Variants in SHANK1 observed in about 807,000 individuals in gnomAD.
The protein encoded by SHANK1 is SH3 and multiple ankyrin repeat domains protein 1.
In SHANK1, 35 loss-of-function variants were observed where a neutral mutation model predicts 165.6. The observed-to-expected ratio is 0.21, with a 90% CI of 0.16 to 0.28. The LOEUF is 0.28. Ranked by LOEUF, SHANK1 falls within the 10% of genes least tolerant of loss-of-function variation. The pLI is 1.00. For synonymous variants in SHANK1, 1,428 were observed against 1,384.8 expected (o/e 1.03, Z -0.69); for missense variants, 2,681 against 3,036.4 (o/e 0.88, Z 2.75).
chr19:50,679,597 G>T (rs1329751804), intron 21 of SHANK1, among the ~76,000 whole-genome samples: 1 of 152,186 alleles, frequency 6.6e-6, no homozygotes, highest in Non-Finnish European at 1.5e-5. Flanking sequence ...CTCCCCTTCA[G>T]TCCGCCGCCC....
Position 50,667,729 on chromosome 19 carries a change from AG to A in SHANK1, c.4230del (p.Ser1411ProfsTer63), listed in dbSNP as rs1462980010. ...TCCCGGCGCGCAGGGTCCGGCGGGG[AG>A]GCCCCCCAGAGACGCAGCACTGGCT... is the stretch of plus-strand genomic sequence containing the variant. ...HHEPVLRLWG[A>X]SPPDPARREL... On this transcript the variant is annotated frameshift_variant, in exon 23 of 24. Transcript: ENST00000293441. LOFTEE classifies it high-confidence loss of function. The surrounding 1 kb of genome is among the most constrained non-coding windows in gnomAD (Gnocchi z 5.7). The A allele has an allele frequency of 7.9e-7, 1 of 1,264,618 alleles. No individual in the cohort carries two copies. 78.3% of individuals were successfully genotyped at this position (1,264,618 alleles called of 1,614,324 possible).
At position 50,662,788 on chromosome 19, in the gene SHANK1, A is replaced by T; in HGVS notation, c.5769-106T>A. The T allele has an allele frequency of 8.6e-7, 1 of 1,168,720 alleles. No homozygotes were observed. The highest frequency in any genetic ancestry group is 1.2e-6 in the Non-Finnish European group (1 of 818,340). 72.4% of individuals were successfully genotyped at this position (1,168,720 alleles called of 1,614,324 possible). A position where few individuals can be genotyped will look rare whatever the true frequency, so the allele number is the denominator to read the frequency against. The stretch of plus-strand genomic sequence containing the variant: ...GATATAGGGAGAGAGGAGGAGAGAC[A>T]TAAGGGTAGGGGGAGAGACGGAGGA... On this transcript the variant is annotated intron_variant, in intron 23 of 23. Coordinates refer to ENST00000293441, the MANE Select transcript of SHANK1 (RefSeq NM_016148.5). This position sits in a 1 kb window ranked among gnomAD's most constrained non-coding sequence, Gnocchi z 7.7.
rs376770018 is a variant in SHANK1, at chr19:50,667,005, G to A, written c.4955C>T (p.Ala1652Val). The A allele has an allele frequency of 2.8e-5, 43 of 1,562,312 alleles. No individual in the cohort carries two copies. The African/African-American group carries it at 5.4e-4, about 20-fold the overall frequency. ...PGDPHPPGPP[A>V]PAAPAPAAPQ... is the part of the protein sequence containing the mutation. ...GGCAGCGGGAGCCGGTGCTGCTGGG[G>A]CAGGCGGGCCTGGTGGATGGGGGTC... Residue 1652 changes from alanine (A) to valine (V), a missense_variant, in exon 23 of 24, where the codon GCC (alanine) becomes GTC (valine). Transcript: ENST00000293441. The surrounding 1 kb of genome is among the most constrained non-coding windows in gnomAD (Gnocchi z 5.7).
intron 21 of SHANK1, among the ~76,000 whole-genome samples, chr19:50,673,748 AAGAAAAG>A (rs1985883818): frequency 6.6e-6 from 1 of 152,194 alleles, no homozygotes; most frequent in South Asian, 2.1e-4. Flanking sequence ...GAAAGAAAAA[AAGAAAAG>A]AGAAAATTGT....
At chr19:50,673,907 C>T (rs1031708735) in intron 21 of SHANK1, among the ~76,000 whole-genome samples, 4 of 151,864 alleles carry the variant, frequency 2.6e-5, no homozygotes, top group Admixed American at 2.6e-4. Context: ...GATCCCAACC[C>T]CAACCTTCTG....
chr19:50,689,401 G>A (rs956812087), intron 15 of SHANK1, 122 bp from the exon 16 acceptor site: 2 of 759,586 alleles, frequency 2.6e-6, no homozygotes, highest in South Asian at 1.4e-5. Context: ...GCCATTAATT[G>A]CATCTCCTAG....
intron 8 of SHANK1, among the ~76,000 whole-genome samples, chr19:50,709,890 T>C (rs918789952): frequency 6.6e-6 from 1 of 152,196 alleles, no homozygotes; most frequent in Non-Finnish European, 1.5e-5. Flanking sequence ...ATCTGAACGG[T>C]ACAGTTTCTG....
In SHANK1 at chr19:50,661,880, A is replaced by C; in HGVS notation, c.*85T>G. 3 of 1,456,168 alleles carry C rather than the reference A, an allele frequency of 2.1e-6. No individual in the cohort carries two copies. Among genetic ancestry groups the C allele is most frequent in the Non-Finnish European group, 9.5e-7 (1 of 1,049,020 alleles). The allele number at this position is 1,456,168 out of a possible 1,614,324, so 90.2% of individuals were successfully genotyped here. A position where few individuals can be genotyped will look rare whatever the true frequency, so the allele number is the denominator to read the frequency against. ...TTTGAACAGAGTCCCTGGCCCGGGG[A>C]GAGAATGACAGTCAGGGGTCAGAGG... On this transcript the variant is annotated 3_prime_UTR_variant, in exon 24 of 24. Transcript: ENST00000293441.
intron 21 of SHANK1, among the ~76,000 whole-genome samples, chr19:50,678,752 GATGGGGAAAGGTCAGGGTGA>G (rs1413114101): frequency 1.7e-4 from 18 of 105,638 alleles, no homozygotes; most frequent in African/African-American, 2.7e-4. Flanking sequence ...GGGTCAGGGT[GATGGGGAAAGGTCAGGGTGA>G]TGGGGAGGGG....
At chr19:50,709,966 C>G (rs1320627838) in intron 8 of SHANK1, among the ~76,000 whole-genome samples, 3 of 152,212 alleles carry the variant, frequency 2.0e-5, no homozygotes, top group African/African-American at 7.2e-5. Context: ...CTGATGGCTG[C>G]CTTCCAGGGA....
In SHANK1 at chr19:50,667,876, G is replaced by C; in HGVS notation, c.4084C>G (p.Arg1362Gly). 7.6e-7 allele frequency: 1 copy of C among 1,316,174 alleles called. No individual in the cohort carries two copies. Among genetic ancestry groups the C allele is most frequent in the Non-Finnish European group, 9.6e-7 (1 of 1,036,706 alleles). The allele number at this position is 1,316,174 out of a possible 1,614,324, so 81.5% of individuals were successfully genotyped here. A position where few individuals can be genotyped will look rare whatever the true frequency, so the allele number is the denominator to read the frequency against. The change falls in exon 23 of 24, where the codon CGA (arginine) becomes GGA (glycine). Residue 1362 changes from arginine to glycine, a missense_variant. By Grantham distance (125) the Arg-to-Gly change is moderately radical (BLOSUM62 -2). Coordinates refer to ENST00000293441, the MANE Select transcript of SHANK1 (RefSeq NM_016148.5). The surrounding 1 kb of genome is among the most constrained non-coding windows in gnomAD (Gnocchi z 5.7). ...PLGLALAARE[R>G]ALKESSEGGG... ...CCCTCCGAGGACTCCTTCAGCGCTC[G>C]CTCGCGGGCGGCCAGGGCCAGCCCC...
intron 18 of SHANK1, 100 bp from the exon 19 acceptor site, chr19:50,687,762 C>T (rs1271344976): frequency 7.4e-7 from 1 of 1,351,602 alleles, no homozygotes; most frequent in South Asian, 1.5e-5. Flanking sequence ...TAGCCATTGC[C>T]AGCGTGCGGA....
At chr19:50,711,909 C>A in intron 7 of SHANK1, 38 bp downstream of exon 7, 1 of 1,611,030 alleles carries the variant, frequency 6.2e-7, no homozygotes, top group South Asian at 1.1e-5. Context: ...GGGACTGGGT[C>A]CCCCACCCCA....
Position 50,670,980 on chromosome 19 carries a change from A to G in SHANK1, c.2674+1038T>C, listed in dbSNP as rs1451648679. 1.3e-5 allele frequency among the ~76,000 whole-genome samples: 2 copies of G among 150,398 alleles called. No individual in the cohort carries two copies. Among genetic ancestry groups the G allele is most frequent in the African/African-American group, 4.9e-5 (2 of 40,856 alleles). On this transcript the variant is annotated intron_variant, in intron 22 of 23. Coordinates refer to ENST00000293441, the MANE Select transcript of SHANK1 (RefSeq NM_016148.5). The surrounding 1 kb of genome is among the most constrained non-coding windows in gnomAD (Gnocchi z 4.1). Reference sequence around the variant, plus strand: ...GGCTAATTTTTGTATTTTTAGTAGAAATGGGGTTTCATCATGTTGGTCAGG... The same window carrying G: ...GGCTAATTTTTGTATTTTTAGTAGAGATGGGGTTTCATCATGTTGGTCAGG...
chr19:50,689,949 G>A (rs1986490982), intron 15 of SHANK1, among the ~76,000 whole-genome samples: 2 of 152,120 alleles, frequency 1.3e-5, no homozygotes, highest in Admixed American at 6.5e-5. Flanking sequence ...GCCACTAGGT[G>A]CACGTGGCTG....
intron 8 of SHANK1, among the ~76,000 whole-genome samples, chr19:50,708,011 G>A (rs1048979899): frequency 6.6e-6 from 1 of 150,480 alleles, no homozygotes; most frequent in Non-Finnish European, 1.5e-5. Context: ...GCAATGGCGC[G>A]ATCTCAGCTC....
At chr19:50,687,043 A>G in intron 19 of SHANK1, 1 of 1,474,174 alleles carries the variant, frequency 6.8e-7, no homozygotes, top group Non-Finnish European at 9.0e-7. Context: ...GGGGGAGACT[A>G]GCCCGGGGGA....
chr19:50,661,078 G>A lies in SHANK1; in HGVS notation c.*887C>T, dbSNP rs1380750083. Among the ~76,000 whole-genome samples, 1 of 151,882 alleles carries A rather than the reference G, an allele frequency of 6.6e-6. No homozygotes were observed. Among genetic ancestry groups the A allele is most frequent in the Non-Finnish European group, 1.5e-5 (1 of 68,010 alleles). On this transcript the variant is annotated 3_prime_UTR_variant, in exon 24 of 24. Transcript: ENST00000293441. ...AGAGTGTGTCAGGAGGGGTGCATAA[G>A]ATAGCAAGTGTGCAAGGGCTGAGCA...
intron 9 of SHANK1, 61 bp downstream of exon 9, chr19:50,704,376 G>T: frequency 1.3e-6 from 2 of 1,488,566 alleles, no homozygotes; most frequent in Non-Finnish European, 9.4e-7. Flanking sequence ...TATCCACTGG[G>T]TGTCACTGTC....
Sources: gnomAD v4.1 joint callset for allele counts (sites outside exome capture counted in the v4.1 genomes callset) on GRCh38, gnomAD v4.1.1 for gene constraint, Gnocchi (gnomAD v3.1) non-coding constraint, MANE v1.5 for transcripts, NCBI Gene and HGNC (gene_info 2026-07-23, HGNC 2026-07-21) for gene names.